Variants in CYFIP2 observed in about 807,000 individuals in gnomAD.
The protein encoded by CYFIP2 is cytoplasmic FMR1 interacting protein 2.
A neutral mutation model predicts 158.7 loss-of-function variants in CYFIP2; 29 were observed. That is an observed-to-expected ratio of 0.18 (90% CI 0.14 to 0.25). The LOEUF (loss-of-function observed/expected upper bound fraction) is 0.25. Among genes scored for constraint, CYFIP2 ranks in the 10% least tolerant of loss-of-function variants. CYFIP2 has a pLI of 1.00. For missense variants in CYFIP2, 852 were observed against 1,639.5 expected (o/e 0.52, Z 8.29); for synonymous variants, 585 against 617.6 (o/e 0.95, Z 0.78).
intron 6 of CYFIP2, among the ~76,000 whole-genome samples, chr5:157,301,286 A>G (rs1026796911): frequency 7.2e-5 from 11 of 152,210 alleles, no homozygotes; most frequent in Non-Finnish European, 1.2e-4. Context: ...AAGGAAATGA[A>G]TTGGCTCACA....
At chr5:157,303,731 G>A (rs909314051) in intron 7 of CYFIP2, among the ~76,000 whole-genome samples, 9 of 152,056 alleles carry the variant, frequency 5.9e-5, no homozygotes, top group African/African-American at 7.2e-5. Flanking sequence ...GGTCCCTTTG[G>A]AGAGAAAGGG....
intron 6 of CYFIP2, among the ~76,000 whole-genome samples, chr5:157,301,953 C>A (rs1171470307): frequency 6.6e-6 from 1 of 152,062 alleles, no homozygotes; most frequent in Non-Finnish European, 1.5e-5. Flanking sequence ...ACAAGTTTAC[C>A]CTCCTAAGTC....
chr5:157,319,626 G>C, intron 13 of CYFIP2, 136 bp from the exon 14 acceptor site: 2 of 1,013,120 alleles, frequency 2.0e-6, no homozygotes, highest in Non-Finnish European at 2.8e-6. Flanking sequence ...CTAGCCATGC[G>C]CTGGCACTTT....
Position 157,372,896 on chromosome 5 carries a change from A to AAC in CYFIP2, c.3040-9680_3040-9679dup, listed in dbSNP as rs375713939. ...TCTGCTTCAGGAATACTAACAGAGAAACACACACACACACAAATACACACA... is the reference window on the plus strand; with the variant it reads ...TCTGCTTCAGGAATACTAACAGAGAAACACACACACACACACAAATACACACA... On this transcript the variant is annotated intron_variant, in intron 26 of 30. Coordinates refer to ENST00000620254, the MANE Select transcript of CYFIP2 (RefSeq NM_001037333.3). Among the ~76,000 whole-genome samples, 489 of 151,786 alleles carry AAC rather than the reference A, an allele frequency of 3.2e-3. 5 individuals carry two copies. Among genetic ancestry groups the AAC allele is most frequent in the African/African-American group, 0.011 (454 of 41,420 alleles).
intron 26 of CYFIP2, among the ~76,000 whole-genome samples, chr5:157,377,110 G>T (rs1436485647): frequency 6.6e-6 from 1 of 151,296 alleles, no homozygotes; most frequent in Non-Finnish European, 1.5e-5. Context: ...GCTTTCTCCT[G>T]CTTGGACTCT....
chr5:157,315,146 G>T, intron 13 of CYFIP2, 52 bp downstream of exon 13: 3 of 1,606,776 alleles, frequency 1.9e-6, no homozygotes, highest in Non-Finnish European at 2.6e-6. Context: ...GCAGCTCATG[G>T]TGGTTCCTGA....
chr5:157,356,647 T>G (rs1763430985), intron 23 of CYFIP2, among the ~76,000 whole-genome samples: 1 of 152,164 alleles, frequency 6.6e-6, no homozygotes, highest in African/African-American at 2.4e-5. Flanking sequence ...TTGCTATGTA[T>G]TCATCACCTC....
chr5:157,317,423 T>G lies in CYFIP2; in HGVS notation c.1356+2329T>G, dbSNP rs1760240624. 2.0e-5 allele frequency among the ~76,000 whole-genome samples: 3 copies of G among 152,336 alleles called. No individual in the cohort carries two copies. In the South Asian group the frequency reaches 6.2e-4, roughly 32 times the overall value. ...CAACTTGTTAAGCGATTCCTTGTGG[T>G]ATTTATCTCCCTAGTTCTAACAGGC... On this transcript the variant is annotated intron_variant, in intron 13 of 30. Coordinates refer to ENST00000620254, the MANE Select transcript of CYFIP2 (RefSeq NM_001037333.3).
intron 8 of CYFIP2, among the ~76,000 whole-genome samples, chr5:157,305,326 A>G (rs954409917): frequency 6.6e-6 from 1 of 152,218 alleles, no homozygotes; most frequent in Admixed American, 6.5e-5. Context: ...AAGAACCTCC[A>G]TACTAGAAAA....
chr5:157,371,309 T>C (rs980944323), intron 26 of CYFIP2, among the ~76,000 whole-genome samples: 1 of 152,214 alleles, frequency 6.6e-6, no homozygotes, highest in Non-Finnish European at 1.5e-5. Flanking sequence ...GCGATCCCTG[T>C]GGGGTGCCTG....
intron 13 of CYFIP2, 81 bp downstream of exon 13, chr5:157,315,175 A>G: frequency 1.9e-6 from 3 of 1,542,128 alleles, no homozygotes; most frequent in Non-Finnish European, 2.6e-6. Flanking sequence ...GAGCAAGAAA[A>G]CAGCATCGGT....
chr5:157,292,041 G>A (rs1012505117), intron 3 of CYFIP2, among the ~76,000 whole-genome samples: 3 of 151,922 alleles, frequency 2.0e-5, no homozygotes, highest in African/African-American at 7.3e-5. Flanking sequence ...CCTGTTAGTA[G>A]TCAATCCCAA....
Position 157,311,582 on chromosome 5 carries a change from T to G in CYFIP2, c.993-82T>G, listed in dbSNP as rs898631667. 6 of 1,310,664 alleles carry G rather than the reference T, an allele frequency of 4.6e-6. No individual in the cohort carries two copies. In the African/African-American group the frequency reaches 7.4e-5, roughly 16 times the overall value. 81.2% of individuals were successfully genotyped at this position (1,310,664 alleles called of 1,614,324 possible). ...ACCCAGGGGAGTTGGCCACGTGGGC[T>G]GAGCACCAGGAGCAGCTAATGCCTG... On this transcript the variant is annotated intron_variant, in intron 10 of 30. Transcript: ENST00000620254. The surrounding 1 kb of genome is among the most constrained non-coding windows in gnomAD (Gnocchi z 4.7).
At chr5:157,364,175 A>G (rs1764122408) in intron 26 of CYFIP2, 2 of 100,976 alleles carry the variant, frequency 2.0e-5, no homozygotes, top group South Asian at 7.0e-4. Flanking sequence ...CCTCAGGGGC[A>G]CCAGAACAGT....
intron 29 of CYFIP2, 51 bp from the exon 30 acceptor site, chr5:157,390,470 G>GC: frequency 1.7e-6 from 2 of 1,202,634 alleles, no homozygotes; most frequent in East Asian, 5.6e-5. Flanking sequence ...CTCCCTCCCT[G>GC]CCCTCCTCCC....
At chr5:157,332,914 T>A (rs774500805) in intron 20 of CYFIP2, among the ~76,000 whole-genome samples, 2 of 152,166 alleles carry the variant, frequency 1.3e-5, no homozygotes, top group Admixed American at 6.5e-5. Context: ...TTTTCTCAGT[T>A]CAGCTAAAGA....
chr5:157,317,436 A>G (rs746830765), intron 13 of CYFIP2, among the ~76,000 whole-genome samples: 5 of 152,168 alleles, frequency 3.3e-5, no homozygotes, highest in Non-Finnish European at 7.3e-5. Context: ...TTATCTCCCT[A>G]GTTCTAACAG....
chr5:157,378,252 C>T (rs1035524523), intron 26 of CYFIP2, among the ~76,000 whole-genome samples: 2 of 152,186 alleles, frequency 1.3e-5, no homozygotes, highest in Non-Finnish European at 1.5e-5. Context: ...TTGAGGCTAC[C>T]TCTGGAAGTT....
chr5:157,386,599 T>C (rs1186588642), intron 28 of CYFIP2, among the ~76,000 whole-genome samples: 2 of 152,200 alleles, frequency 1.3e-5, no homozygotes, highest in Non-Finnish European at 2.9e-5. Context: ...AACAAAATGC[T>C]CAGCGGTAGC....
Sources: allele counts gnomAD v4.1 joint callset (sites outside exome capture counted in the v4.1 genomes callset), GRCh38; gene constraint gnomAD v4.1.1; non-coding constraint Gnocchi (gnomAD v3.1); transcripts MANE v1.5; gene names NCBI Gene and HGNC (gene_info 2026-07-23, HGNC 2026-07-21).